OSBPL5: variants seen among roughly 807,000 people sequenced by gnomAD.
OSBPL5 encodes oxysterol binding protein like 5.
Under a neutral mutation model 111.2 loss-of-function variants are expected in OSBPL5, and 71 were observed. That is an observed-to-expected ratio of 0.64 (90% CI 0.53 to 0.78). The LOEUF (loss-of-function observed/expected upper bound fraction) is 0.78, where lower values mean the gene tolerates loss of function less well. OSBPL5 is among the 30% of genes least tolerant of loss of function. OSBPL5 has a pLI of 0.00. For synonymous variants in OSBPL5, 549 were observed against 513.9 expected, an observed-to-expected ratio of 1.07 and a Z score of -0.93; for missense variants, 1,210 against 1,189.3, an observed-to-expected ratio of 1.02 and a Z score of -0.26.
chr11:3,122,817 G>A (rs368971721), intron 3 of OSBPL5, among the ~76,000 whole-genome samples: 28 of 152,340 alleles, frequency 1.8e-4, no homozygotes, highest in East Asian at 1.3e-3. Context: ...GGAGGCCGCT[G>A]AGGAAAGCAG....
chr11:3,108,004 C>T, intron 7 of OSBPL5, 59 bp from the exon 8 acceptor site: 3 of 1,563,554 alleles, frequency 1.9e-6, no homozygotes, highest in South Asian at 1.1e-5. Flanking sequence ...CCGCATCCCC[C>T]AAGGGGCCAC....
chr11:3,093,676 G>A lies in OSBPL5; in HGVS notation c.1810-13C>T, dbSNP rs776524649. The stretch of plus-strand genomic sequence containing the variant: ...ACACGTCCCTGTCCTGCCCCAGATG[G>A]CCAGCGGGGTCAGAGGCTGGCCTGG... On this transcript the variant is annotated splice_polypyrimidine_tract_variant and intron_variant, in intron 16 of 21. Coordinates refer to ENST00000263650, the MANE Select transcript of OSBPL5 (RefSeq NM_020896.4). The A allele has an allele frequency of 1.3e-5, 21 of 1,613,072 alleles. No homozygotes were observed. Among genetic ancestry groups the A allele is most frequent in the Middle Eastern group, 1.6e-4 (1 of 6,084 alleles).
chr11:3,108,588 C>A (rs926153385), intron 7 of OSBPL5, among the ~76,000 whole-genome samples: 3 of 152,158 alleles, frequency 2.0e-5, no homozygotes, highest in Non-Finnish European at 4.4e-5. Context: ...CGCCTCCAAG[C>A]CCCACTCTGG....
In OSBPL5 at chr11:3,087,243, G is replaced by A. The variant is rs59828116; in HGVS notation, c.*962C>T. On this transcript the variant is annotated 3_prime_UTR_variant, in exon 22 of 22. Transcript: ENST00000263650. The stretch of plus-strand genomic sequence containing the variant: ...CAAAGCCACCCGCTACAGCTCAGAC[G>A]GCACCGCCACGATGTGGTTTAAGGC... 1.5e-3 allele frequency: 231 copies of A among 152,946 alleles called. No individual in the cohort carries two copies. The highest frequency in any genetic ancestry group is 5.9e-3 in the Middle Eastern group (2 of 338). 9.5% of individuals were successfully genotyped at this position (152,946 alleles called of 1,614,324 possible). A position where few individuals can be genotyped will look rare whatever the true frequency, so the allele number is the denominator to read the frequency against.
At chr11:3,149,809 C>T (rs1846510534) in intron 1 of OSBPL5, among the ~76,000 whole-genome samples, 1 of 152,232 alleles carries the variant, frequency 6.6e-6, no homozygotes, top group African/African-American at 2.4e-5. Flanking sequence ...GCCCGGGGCA[C>T]AAGGGCCAGC....
rs566410367 is a variant in OSBPL5 at position 3,138,671 on chromosome 11, C to CT, written c.-21-9503dup. Among the ~76,000 whole-genome samples the CT allele has an allele frequency of 4.9e-4, 74 of 152,354 alleles. No homozygotes were observed. The East Asian group carries it at 0.01, about 21-fold the overall frequency. ...GAATGCCCTCAGGCACACCTGGGGC[C>CT]TCTTCTGGGTGGTGCCAGTGCCCCC... On this transcript the variant is annotated intron_variant, in intron 1 of 21. Coordinates refer to ENST00000263650, the MANE Select transcript of OSBPL5 (RefSeq NM_020896.4).
chr11:3,092,704 T>TA lies in OSBPL5; in HGVS notation c.2133-147dup. The stretch of plus-strand genomic sequence containing the variant: ...CACACCCCATGGGCAGGGCCTGCAG[T>TA]AAGGACTGATGATGGGGGGTGTCAC... On this transcript the variant is annotated intron_variant, in intron 18 of 21. Coordinates refer to ENST00000263650, the MANE Select transcript of OSBPL5 (RefSeq NM_020896.4). The surrounding 1 kb of genome is among the most constrained non-coding windows in gnomAD (Gnocchi z 5.4). 7.4e-7 allele frequency: 1 copy of TA among 1,342,896 alleles called. No individual in the cohort carries two copies. Among genetic ancestry groups the TA allele is most frequent in the Non-Finnish European group, 1.0e-6 (1 of 1,003,668 alleles). The allele number at this position is 1,342,896 out of a possible 1,614,324, so 83.2% of individuals were successfully genotyped here.
At chr11:3,099,744 T>G (rs1035267793) in intron 14 of OSBPL5, among the ~76,000 whole-genome samples, 2 of 151,980 alleles carry the variant, frequency 1.3e-5, no homozygotes, top group Admixed American at 1.3e-4. Flanking sequence ...GGCAGTAAAA[T>G]AGCATCTACA....
chr11:3,131,620 T>TCCATCCACCCATTCATCC (rs1419107640), intron 1 of OSBPL5, among the ~76,000 whole-genome samples: 3 of 24,788 alleles, frequency 1.2e-4, no homozygotes, highest in Admixed American at 7.3e-4. Context: ...TTCATCCATC[T>TCCATCCACCCATTCATCC]GTCTATTCAT....
At chr11:3,111,995 ATGTG>A (rs74184684) in intron 7 of OSBPL5, among the ~76,000 whole-genome samples, 100 of 145,254 alleles carry the variant, frequency 6.9e-4, no homozygotes, top group South Asian at 3.7e-3. Context: ...ATGTGTGTGC[ATGTG>A]TGTGTGTGTG....
rs1176594847 is a variant in OSBPL5 at position 3,165,179 on chromosome 11, C to CGCCGCCCT, written c.-22+29_-22+36dup. The CGCCGCCCT allele has an allele frequency of 7.0e-6, 1 of 143,658 alleles. No individual in the cohort carries two copies. Among genetic ancestry groups the CGCCGCCCT allele is most frequent in the Non-Finnish European group, 1.6e-5 (1 of 63,070 alleles). The allele number at this position is 143,658 out of a possible 1,614,324, so 8.9% of individuals were successfully genotyped here. Reference sequence around the variant, plus strand: ...GATCCTTCCCAGCCCGCCATCCCCCCGCCGCCCTGCCGCCCCCCGGGCCGC... The same window carrying CGCCGCCCT: ...GATCCTTCCCAGCCCGCCATCCCCCCGCCGCCCTGCCGCCCTGCCGCCCCCCGGGCCGC... On this transcript the variant is annotated intron_variant, in intron 1 of 21. Transcript: ENST00000263650. This position sits in a 1 kb window ranked among gnomAD's most constrained non-coding sequence, Gnocchi z 7.4.
rs368931302 is a variant in OSBPL5 at position 3,104,281 on chromosome 11, G to A, written c.1156C>T (p.Arg386Cys). 50 of 1,613,804 alleles carry A rather than the reference G, an allele frequency of 3.1e-5. No homozygotes were observed. The highest frequency in any genetic ancestry group is 4.2e-5 in the Non-Finnish European group (49 of 1,179,958). Reference sequence around the variant, plus strand: ...AGTACGAACGTGGGTAGCACCACGCGGGACAGGTCCATGCCTGGCCGTAGC... The same window carrying A: ...AGTACGAACGTGGGTAGCACCACGCAGGACAGGTCCATGCCTGGCCGTAGC... ...KQLRPGMDLS[R>C]VVLPTFVLEP... is the part of the protein sequence containing the mutation. The change falls in exon 10 of 22, where the codon CGC becomes TGC. Residue 386 changes from arginine to cysteine, a missense_variant. Physicochemically the swap from Arg to Cys is radical, Grantham distance 180. Coordinates refer to ENST00000263650, the MANE Select transcript of OSBPL5 (RefSeq NM_020896.4). The surrounding 1 kb of genome is among the most constrained non-coding windows in gnomAD (Gnocchi z 5.0).
intron 1 of OSBPL5, among the ~76,000 whole-genome samples, chr11:3,149,488 C>G (rs911053670): frequency 1.2e-4 from 19 of 152,228 alleles, no homozygotes; most frequent in Admixed American, 9.8e-4. Flanking sequence ...GAGTGCTTGC[C>G]GCTCCATGAG....
At chr11:3,120,992 C>G (rs1352514699) in intron 5 of OSBPL5, among the ~76,000 whole-genome samples, 1 of 151,546 alleles carries the variant, frequency 6.6e-6, no homozygotes, top group Non-Finnish European at 1.5e-5. Context: ...GGGTCAAGTT[C>G]AAGGTCAAGG....
chr11:3,120,130 C>A, intron 6 of OSBPL5: 1 of 537,966 alleles, frequency 1.9e-6, no homozygotes, highest in Non-Finnish European at 3.4e-6. Flanking sequence ...GGGCGCTGTT[C>A]CTCGGCCACC....
intron 13 of OSBPL5, among the ~76,000 whole-genome samples, chr11:3,100,908 T>G (rs1857429030): frequency 6.6e-6 from 1 of 151,564 alleles, no homozygotes; most frequent in Non-Finnish European, 1.5e-5. Flanking sequence ...CCTGTCCCAC[T>G]CCGGGGCCAA....
At chr11:3,114,276 TA>T (rs1440158539) in intron 7 of OSBPL5, among the ~76,000 whole-genome samples, 1 of 152,144 alleles carries the variant, frequency 6.6e-6, no homozygotes, top group Non-Finnish European at 1.5e-5. Flanking sequence ...AAGAAAGTTA[TA>T]AAAAAGTGTT....
intron 1 of OSBPL5, among the ~76,000 whole-genome samples, chr11:3,135,552 C>G (rs1845927770): frequency 6.6e-6 from 1 of 152,202 alleles, no homozygotes; most frequent in Admixed American, 6.5e-5. Context: ...CCAGCACCCT[C>G]CTCCAGGCTA....
At chr11:3,131,563 TCATCCATC>T (rs149219213) in intron 1 of OSBPL5, among the ~76,000 whole-genome samples, 2 of 119,214 alleles carry the variant, frequency 1.7e-5, no homozygotes. Context: ...ACCCATTCAT[TCATCCATC>T]CATCCATCCA....
Sources: allele counts gnomAD v4.1 joint callset (sites outside exome capture counted in the v4.1 genomes callset), GRCh38; gene constraint gnomAD v4.1.1; non-coding constraint Gnocchi (gnomAD v3.1); transcripts MANE v1.5; gene names NCBI Gene and HGNC (gene_info 2026-07-23, HGNC 2026-07-21).